The following CDH8 variants were observed in gnomAD, a reference collection of about 807,000 sequenced individuals.
CDH8 encodes the protein cadherin 8, also known as cadherin-8.
Under a neutral mutation model 68.1 loss-of-function variants are expected in CDH8, and 17 were observed. That is an observed-to-expected ratio of 0.25 (90% CI 0.17 to 0.37). The LOEUF is 0.37. Among genes scored for constraint, CDH8 ranks in the 10% least tolerant of loss-of-function variants. The probability of loss-of-function intolerance (pLI) is 1.00; values close to 1 mark genes in which losing one functional copy is unlikely to be tolerated. For synonymous variants in CDH8, 372 were observed against 365.1 expected (o/e 1.02, Z -0.21); for missense variants, 763 against 999.3 (o/e 0.76, Z 3.19).
chr16:61,909,488 C>T (rs945811726), intron 2 of CDH8, among the ~76,000 whole-genome samples: 1 of 152,126 alleles, frequency 6.6e-6, no homozygotes, highest in African/African-American at 2.4e-5. Flanking sequence ...ATACCCTACA[C>T]CTTGTCGGTG....
intron 8 of CDH8, among the ~76,000 whole-genome samples, chr16:61,760,283 TTTTATTTA>T (rs138123289): frequency 8.7e-4 from 127 of 146,312 alleles, no homozygotes; most frequent in Admixed American, 1.2e-3. Context: ...TGGAAGAAAA[TTTTATTTA>T]TTTATTTATT....
rs1963254151 is a variant in CDH8, at chr16:61,648,580, A to C, written c.*5028T>G. 6.6e-6 allele frequency: 1 copy of C among 151,808 alleles called. No homozygotes were observed. Among genetic ancestry groups the C allele is most frequent in the Non-Finnish European group, 1.5e-5 (1 of 67,850 alleles). The allele number at this position is 151,808 out of a possible 1,614,324, so 9.4% of individuals were successfully genotyped here. ...ATTTAGTGTCAGATCAACCAAACTT[A>C]AACCCAGACTCAAATAGTATTTATC... On this transcript the variant is annotated 3_prime_UTR_variant, in exon 12 of 12. Transcript: ENST00000577390.
intron 9 of CDH8, among the ~76,000 whole-genome samples, chr16:61,715,882 C>G (rs546129529): frequency 6.6e-6 from 1 of 151,632 alleles, no homozygotes; most frequent in East Asian, 2.0e-4. Flanking sequence ...CACCTCAGAA[C>G]AGCTGTGCTG....
intron 8 of CDH8, among the ~76,000 whole-genome samples, chr16:61,782,800 A>C (rs1278604926): frequency 6.6e-6 from 1 of 152,120 alleles, no homozygotes; most frequent in African/African-American, 2.4e-5. Flanking sequence ...TGAGCAGCCT[A>C]ACTGGGAGGC....
intron 4 of CDH8, among the ~76,000 whole-genome samples, chr16:61,834,622 T>C (rs923246909): frequency 4.6e-5 from 7 of 151,936 alleles, no homozygotes; most frequent in African/African-American, 1.7e-4. Flanking sequence ...CTAGAAATAT[T>C]TCATGAATAT....
At chr16:61,758,909 G>T (rs1422527876) in intron 8 of CDH8, among the ~76,000 whole-genome samples, 1 of 152,080 alleles carries the variant, frequency 6.6e-6, no homozygotes, top group East Asian at 1.9e-4. Flanking sequence ...TATGCTGGGG[G>T]TTGCAATTTC....
intron 2 of CDH8, among the ~76,000 whole-genome samples, chr16:61,993,763 A>T (rs1416845425): frequency 6.6e-6 from 1 of 152,092 alleles, no homozygotes; most frequent in Non-Finnish European, 1.5e-5. Context: ...TATTTTATGC[A>T]CACGTAAGTA....
chr16:61,989,240 G>A (rs1222909227), intron 2 of CDH8, among the ~76,000 whole-genome samples: 1 of 152,172 alleles, frequency 6.6e-6, no homozygotes, highest in Non-Finnish European at 1.5e-5. Flanking sequence ...TCTTTGGCAA[G>A]GGTAACGACA....
chr16:61,673,325 A>G (rs1963835040), intron 10 of CDH8, among the ~76,000 whole-genome samples: 1 of 152,126 alleles, frequency 6.6e-6, no homozygotes, highest in African/African-American at 2.4e-5. Context: ...AACTATTAAG[A>G]GAAATATTTA....
intron 2 of CDH8, among the ~76,000 whole-genome samples, chr16:61,933,942 C>T (rs1212654009): frequency 6.6e-6 from 1 of 152,160 alleles, no homozygotes; most frequent in Admixed American, 6.5e-5. Context: ...GGAACTAACA[C>T]ATCAAAACCT....
chr16:61,890,083 A>G (rs1597044949), intron 3 of CDH8, among the ~76,000 whole-genome samples: 1 of 152,338 alleles, frequency 6.6e-6, no homozygotes. Context: ...AATGCTGACC[A>G]TAAAATATAT....
chr16:61,655,451 C>T lies in CDH8; in HGVS notation c.1906+19G>A. ...AATCAGAAAAAGGGTGACCGGTAGG[C>T]TATGAAGGAAATACGTACCTAACAG... On this transcript the variant is annotated intron_variant, in intron 11 of 11. Transcript: ENST00000577390. The T allele has an allele frequency of 6.2e-7, 1 of 1,613,540 alleles. No homozygotes were observed. The highest frequency in any genetic ancestry group is 8.5e-7 in the Non-Finnish European group (1 of 1,179,566).
chr16:61,789,473 G>A lies in CDH8; in HGVS notation c.1287C>T (p.Ile429=), dbSNP rs113978852. ...DITSSPIRFS[I]DRHTDLERQF... Reference sequence around the variant, plus strand: ...GCCTCTCCAGGTCAGTGTGCCGGTCGATGGAAAACCTACAAAACAGACACA... The same window carrying A: ...GCCTCTCCAGGTCAGTGTGCCGGTCAATGGAAAACCTACAAAACAGACACA... The change falls in exon 8 of 12, where the codon ATC becomes ATT. Residue 429 remains isoleucine, a synonymous_variant. Coordinates refer to ENST00000577390, the MANE Select transcript of CDH8 (RefSeq NM_001796.5). 3.3e-4 allele frequency: 529 copies of A among 1,612,260 alleles called. 2 individuals are homozygous for A. In the African/African-American group the frequency reaches 6.4e-3, roughly 19 times the overall value.
At chr16:61,893,415 AGT>A (rs139637026) in intron 3 of CDH8, among the ~76,000 whole-genome samples, 8,515 of 144,920 alleles carry the variant, frequency 0.059, 268 homozygotes, top group Middle Eastern at 0.095. Flanking sequence ...TGTGTGTGTG[AGT>A]GTGTGTGTGT....
At chr16:61,689,207 A>G (rs1393953056) in intron 10 of CDH8, among the ~76,000 whole-genome samples, 1 of 152,064 alleles carries the variant, frequency 6.6e-6, no homozygotes, top group Non-Finnish European at 1.5e-5. Context: ...AGATTCTACA[A>G]TGACATACTA....
chr16:61,691,670 G>A (rs542976947), intron 10 of CDH8: 4 of 151,520 alleles, frequency 2.6e-5, no homozygotes, highest in African/African-American at 7.3e-5. Context: ...CCTCTTTCTC[G>A]TAAGCCACAG....
intron 3 of CDH8, among the ~76,000 whole-genome samples, chr16:61,882,576 A>G (rs951885454): frequency 6.6e-6 from 1 of 152,328 alleles, no homozygotes; most frequent in East Asian, 1.9e-4. Context: ...TTGTAGAAAC[A>G]TGGATGGAAC....
At chr16:61,678,590 C>T (rs1963957830) in intron 10 of CDH8, among the ~76,000 whole-genome samples, 2 of 151,912 alleles carry the variant, frequency 1.3e-5, no homozygotes, top group South Asian at 4.1e-4. Flanking sequence ...AGGTTTGTTA[C>T]ATAGGTATAC....
intron 2 of CDH8, among the ~76,000 whole-genome samples, chr16:61,919,235 G>T (rs1008012447): frequency 6.8e-6 from 1 of 147,480 alleles, no homozygotes; most frequent in African/African-American, 2.5e-5. Context: ...CAGAAAAACT[G>T]GAAACTCTAA....
Sources: gnomAD v4.1 joint callset for allele counts (sites outside exome capture counted in the v4.1 genomes callset) on GRCh38, gnomAD v4.1.1 for gene constraint, MANE v1.5 for transcripts, NCBI Gene and HGNC (gene_info 2026-07-23, HGNC 2026-07-21) for gene names.